The following BID variants were observed in gnomAD, a reference collection of about 807,000 sequenced individuals.
BID encodes BH3 interacting domain death agonist.
A neutral mutation model predicts 17.4 loss-of-function variants in BID; 19 were observed. That is an observed-to-expected ratio of 1.09 (90% CI 0.76 to 1.60). The LOEUF (loss-of-function observed/expected upper bound fraction) is 1.60, where lower values mean the gene tolerates loss of function less well. BID is among the 40% of genes most tolerant of loss of function. BID has a pLI of 0.00. For synonymous variants in BID, 108 were observed against 102.8 expected (o/e 1.05, Z -0.31); for missense variants, 226 against 256.0 (o/e 0.88, Z 0.80).
At position 17,750,200 on chromosome 22, in the gene BID, G is replaced by C. The variant is rs200704499; in HGVS notation, c.-58-26C>G. On this transcript the variant is annotated intron_variant, in intron 1 of 5. Coordinates refer to ENST00000622694, the MANE Select transcript of BID (RefSeq NM_001196.4). ...CTGGAAAGGGACACACAGAGTGGGC[G>C]GCCGCTCCTGGGAAGCCCTGGTCAG... 4.4e-4 allele frequency: 696 copies of C among 1,594,128 alleles called. 7 individuals carry two copies. The East Asian group carries it at 0.015, about 35-fold the overall frequency.
At chr22:17,770,682 C>G (rs867052284) in intron 1 of BID, among the ~76,000 whole-genome samples, 5 of 152,248 alleles carry the variant, frequency 3.3e-5, no homozygotes, top group Non-Finnish European at 5.9e-5. Flanking sequence ...CAGCAGCTGT[C>G]CCCAAGCACA....
At chr22:17,772,270 G>A (rs777383603) in intron 1 of BID, among the ~76,000 whole-genome samples, 1 of 152,260 alleles carries the variant, frequency 6.6e-6, no homozygotes, top group Admixed American at 6.5e-5. Context: ...CGCTGAGGGC[G>A]GTCCGCCAGG....
At chr22:17,761,210 A>G (rs2061635823) in intron 1 of BID, among the ~76,000 whole-genome samples, 1 of 152,236 alleles carries the variant, frequency 6.6e-6, no homozygotes, top group African/African-American at 2.4e-5. Context: ...CAATCTGGAC[A>G]GTTGTTTAAG....
chr22:17,752,065 C>G (rs1331178235), intron 1 of BID, among the ~76,000 whole-genome samples: 1 of 152,208 alleles, frequency 6.6e-6, no homozygotes, highest in Non-Finnish European at 1.5e-5. Flanking sequence ...CTTCAGGGGT[C>G]TCTGTGGGGA....
At chr22:17,765,760 C>T (rs1055963896) in intron 1 of BID, among the ~76,000 whole-genome samples, 5 of 152,182 alleles carry the variant, frequency 3.3e-5, no homozygotes, top group African/African-American at 4.8e-5. Flanking sequence ...AGCACACCAA[C>T]ATGGCACATG....
At chr22:17,770,838 G>A (rs999949706) in intron 1 of BID, among the ~76,000 whole-genome samples, 6 of 152,244 alleles carry the variant, frequency 3.9e-5, no homozygotes, top group African/African-American at 7.2e-5. Context: ...GCATAGAAGC[G>A]GGCTGAGCCA....
rs537920336 is a variant in BID, at chr22:17,773,588, G to A, written c.-59+793C>T. On this transcript the variant is annotated intron_variant, in intron 1 of 5. Coordinates refer to ENST00000622694, the MANE Select transcript of BID (RefSeq NM_001196.4). This position sits in a 1 kb window ranked among gnomAD's most constrained non-coding sequence, Gnocchi z 4.4. ...GTGAAGGCCGGTCCAGCCGCAGAAG[G>A]CCCAGCCCCCAGCCCACTTACAGAA... The A allele has an allele frequency of 1.9e-6, 3 of 1,611,892 alleles. No homozygotes were observed. Among genetic ancestry groups the A allele is most frequent in the Non-Finnish European group, 1.7e-6 (2 of 1,179,694 alleles).
chr22:17,753,830 G>C (rs1360855717), intron 1 of BID, among the ~76,000 whole-genome samples: 1 of 152,248 alleles, frequency 6.6e-6, no homozygotes, highest in Non-Finnish European at 1.5e-5. Context: ...GACACTCACA[G>C]CCAGGTTCCC....
intron 2 of BID, 87 bp downstream of exon 2, chr22:17,750,018 C>A: frequency 7.4e-7 from 1 of 1,358,796 alleles, no homozygotes; most frequent in Non-Finnish European, 1.0e-6. Context: ...AGCCTCAGCC[C>A]TCAGGGATGC....
At chr22:17,746,230 CG>C (rs1158444849) in intron 2 of BID, among the ~76,000 whole-genome samples, 2 of 122,446 alleles carry the variant, frequency 1.6e-5, no homozygotes, top group Non-Finnish European at 3.3e-5. Context: ...AGTAGGGAGG[CG>C]GGGGCGGGGG....
intron 1 of BID, among the ~76,000 whole-genome samples, chr22:17,765,331 G>C (rs1364921524): frequency 6.6e-6 from 1 of 152,168 alleles, no homozygotes; most frequent in Non-Finnish European, 1.5e-5. Flanking sequence ...GACTTGCCAA[G>C]GTCATGACTG....
At chr22:17,760,451 CAAAAAAAAAA>C (rs55817445) in intron 1 of BID, among the ~76,000 whole-genome samples, 2 of 30,766 alleles carry the variant, frequency 6.5e-5, no homozygotes, top group Admixed American at 3.8e-4. Context: ...GACTCTGTCT[CAAAAAAAAAA>C]AAAAAAAAAA....
intron 3 of BID, among the ~76,000 whole-genome samples, chr22:17,742,812 G>A (rs1420818287): frequency 1.3e-5 from 2 of 152,270 alleles, no homozygotes; most frequent in Admixed American, 6.5e-5. Flanking sequence ...GAAAGCCAGC[G>A]TCGCAGGGCT....
At chr22:17,758,003 A>G (rs2061606549) in intron 1 of BID, among the ~76,000 whole-genome samples, 2 of 152,232 alleles carry the variant, frequency 1.3e-5, no homozygotes, top group African/African-American at 2.4e-5. Flanking sequence ...GGCTGACAGC[A>G]TAGACTCTAG....
intron 1 of BID, among the ~76,000 whole-genome samples, chr22:17,756,546 C>CTTCTTTCTTTCCTTCCTTT (rs1185763921): frequency 0.093 from 13,540 of 145,172 alleles, 962 homozygotes; most frequent in Middle Eastern, 0.17. Flanking sequence ...TTCCTTCCTT[C>CTTCTTTCTTTCCTTCCTTT]CTTCTTTCTT....
rs763007030 is a variant in BID, at chr22:17,773,571, CGGTCCAGCCG to C, written c.-59+800_-59+809del. ...CCCAACCCTGCCTGCAGGTGAAGGC[CGGTCCAGCCG>C]CAGAAGGCCCAGCCCCCAGCCCACT... is the stretch of plus-strand genomic sequence containing the variant. On this transcript the variant is annotated intron_variant, in intron 1 of 5. Transcript: ENST00000622694. The surrounding 1 kb of genome is among the most constrained non-coding windows in gnomAD (Gnocchi z 4.4). 4 of 1,607,194 alleles carry C rather than the reference CGGTCCAGCCG, an allele frequency of 2.5e-6. No individual in the cohort carries two copies. The highest frequency in any genetic ancestry group is 3.4e-6 in the Non-Finnish European group (4 of 1,176,526).
chr22:17,739,616 G>A (rs1022885001), intron 3 of BID, 128 bp from the exon 4 acceptor site: 9 of 1,247,442 alleles, frequency 7.2e-6, no homozygotes, highest in African/African-American at 3.0e-5. Flanking sequence ...CACTGGGCAC[G>A]TGCTCCACTC....
At chr22:17,752,306 G>T (rs1050254444) in intron 1 of BID, among the ~76,000 whole-genome samples, 5 of 152,140 alleles carry the variant, frequency 3.3e-5, no homozygotes, top group Non-Finnish European at 7.4e-5. Context: ...TGTGCTCCTG[G>T]CACGTAGCGG....
At chr22:17,750,375 A>G (rs1488457255) in intron 1 of BID, among the ~76,000 whole-genome samples, 1 of 152,210 alleles carries the variant, frequency 6.6e-6, no homozygotes. Flanking sequence ...CCAGGCGCTC[A>G]GTGCCCTGGG....
Sources: allele counts gnomAD v4.1 joint callset (sites outside exome capture counted in the v4.1 genomes callset), GRCh38; gene constraint gnomAD v4.1.1; non-coding constraint Gnocchi (gnomAD v3.1); transcripts MANE v1.5; gene names NCBI Gene and HGNC (gene_info 2026-07-23, HGNC 2026-07-21).